MAN2A1: variants seen among roughly 807,000 people sequenced by gnomAD.
The protein encoded by MAN2A1 is mannosidase alpha class 2A member 1.
MAN2A1 carries 76 observed loss-of-function variants against 142.6 expected under a neutral mutation model. That is an observed-to-expected ratio of 0.53 (90% CI 0.44 to 0.65). The LOEUF is 0.65. MAN2A1 is among the 30% of genes least tolerant of loss of function. MAN2A1 has a pLI of 0.00. For synonymous variants in MAN2A1, 559 were observed against 473.2 expected (o/e 1.18, Z -2.35); for missense variants, 1,311 against 1,365.1 (o/e 0.96, Z 0.62).
At chr5:109,730,746 T>C (rs1208556262) in intron 4 of MAN2A1, among the ~76,000 whole-genome samples, 1 of 152,160 alleles carries the variant, frequency 6.6e-6, no homozygotes, top group Non-Finnish European at 1.5e-5. Context: ...TTCTGTGAAA[T>C]AGGTACAATT....
In MAN2A1 at chr5:109,814,816, G is replaced by A. The variant is rs142544865; in HGVS notation, c.1944-2457G>A. 8.8e-3 allele frequency among the ~76,000 whole-genome samples: 1,341 copies of A among 152,186 alleles called. 7 individuals carry two copies. The highest frequency in any genetic ancestry group is 0.017 in the Middle Eastern group (5 of 292). ...TTTCATAGAAGGAATTAGTGTTCTG[G>A]ATGCTTATTATCTAATTTATTGCTT... On this transcript the variant is annotated intron_variant, in intron 12 of 21. Transcript: ENST00000261483.
chr5:109,758,570 G>T (rs746646971), intron 5 of MAN2A1, among the ~76,000 whole-genome samples: 1 of 151,084 alleles, frequency 6.6e-6, no homozygotes, highest in Non-Finnish European at 1.5e-5. Context: ...GTAAGAAACT[G>T]TTGTTTAATC....
chr5:109,770,637 A>G, intron 7 of MAN2A1, 96 bp downstream of exon 7: 2 of 1,075,986 alleles, frequency 1.9e-6, no homozygotes, highest in Non-Finnish European at 1.4e-6. Context: ...TTTATTAGCC[A>G]ACATTATCCT....
At chr5:109,733,435 T>G (rs1582836658) in intron 4 of MAN2A1, among the ~76,000 whole-genome samples, 1 of 152,332 alleles carries the variant, frequency 6.6e-6, no homozygotes, top group East Asian at 1.9e-4. Flanking sequence ...ATCCCTGTCT[T>G]GTGCCCATTT....
chr5:109,840,180 T>A, intron 16 of MAN2A1: 1 of 205,412 alleles, frequency 4.9e-6, no homozygotes, highest in Non-Finnish European at 9.8e-6. Flanking sequence ...CTCATAAATC[T>A]TGTGGCTTCC....
At position 109,731,141 on chromosome 5, in the gene MAN2A1, G is replaced by A. The variant is rs1225741114; in HGVS notation, c.707+1628G>A. Among the ~76,000 whole-genome samples, 2 of 151,808 alleles carry A rather than the reference G, an allele frequency of 1.3e-5. 1 individual carries two copies. Among genetic ancestry groups the A allele is most frequent in the African/African-American group, 4.8e-5 (2 of 41,334 alleles). Reference sequence around the variant, plus strand: ...GGGTACATCTGGTATTTTAATATAAGCATATAATATATAATCAGATCAGGG... The same window carrying A: ...GGGTACATCTGGTATTTTAATATAAACATATAATATATAATCAGATCAGGG... On this transcript the variant is annotated intron_variant, in intron 4 of 21. Coordinates refer to ENST00000261483, the MANE Select transcript of MAN2A1 (RefSeq NM_002372.4).
At chr5:109,707,463 T>C (rs900256973) in intron 1 of MAN2A1, among the ~76,000 whole-genome samples, 18 of 152,126 alleles carry the variant, frequency 1.2e-4, no homozygotes, top group Admixed American at 1.2e-3. Context: ...TACAGTACAT[T>C]GAGTAAAACA....
chr5:109,701,485 C>T (rs1224866253), intron 1 of MAN2A1, among the ~76,000 whole-genome samples: 2 of 152,092 alleles, frequency 1.3e-5, no homozygotes, highest in Non-Finnish European at 2.9e-5. Context: ...TAGTGAATCA[C>T]TCCAAGTTAT....
At chr5:109,817,109 T>G (rs1446665038) in intron 12 of MAN2A1, among the ~76,000 whole-genome samples, 164 bp from the exon 13 acceptor site, 1 of 152,136 alleles carries the variant, frequency 6.6e-6, no homozygotes, top group Non-Finnish European at 1.5e-5. Flanking sequence ...GAGACTGCAG[T>G]GAGCTATAAT....
chr5:109,814,278 T>A (rs1580279298), intron 12 of MAN2A1, among the ~76,000 whole-genome samples: 1 of 152,198 alleles, frequency 6.6e-6, no homozygotes, highest in Admixed American at 6.5e-5. Context: ...TGAAACCTAT[T>A]GGTTTCATTC....
chr5:109,751,566 GT>G (rs925178204), intron 4 of MAN2A1, among the ~76,000 whole-genome samples: 53 of 144,730 alleles, frequency 3.7e-4, no homozygotes, highest in Middle Eastern at 3.5e-3. Context: ...TCTATTTTTA[GT>G]TTTTTTTTTT....
At chr5:109,744,931 A>G (rs1330334675) in intron 4 of MAN2A1, among the ~76,000 whole-genome samples, 1 of 152,216 alleles carries the variant, frequency 6.6e-6, no homozygotes, top group Non-Finnish European at 1.5e-5. Context: ...CAGTAAAAAA[A>G]TGATAAATTA....
chr5:109,862,501 C>G (rs1226036706), intron 20 of MAN2A1: 2 of 152,166 alleles, frequency 1.3e-5, no homozygotes, highest in African/African-American at 2.4e-5. Flanking sequence ...GGCACAATTT[C>G]AAAAATTGTA....
intron 12 of MAN2A1, among the ~76,000 whole-genome samples, chr5:109,795,548 A>G (rs1449043289): frequency 6.6e-6 from 1 of 152,176 alleles, no homozygotes; most frequent in Non-Finnish European, 1.5e-5. Context: ...GTGTATTATC[A>G]CAATCTAAGA....
At chr5:109,781,647 C>A in intron 9 of MAN2A1, 49 bp downstream of exon 9, 1 of 1,294,140 alleles carries the variant, frequency 7.7e-7, no homozygotes, top group Non-Finnish European at 1.1e-6. Context: ...TTTATATTAT[C>A]ATAATCTTTT....
At chr5:109,862,942 G>T (rs934143415) in intron 20 of MAN2A1, 1 of 151,914 alleles carries the variant, frequency 6.6e-6, no homozygotes, top group Admixed American at 6.6e-5. Flanking sequence ...TTGTATTGTC[G>T]GTTTAAATCT....
At chr5:109,707,958 TG>T (rs1221811683) in intron 1 of MAN2A1, among the ~76,000 whole-genome samples, 1 of 152,174 alleles carries the variant, frequency 6.6e-6, no homozygotes, top group African/African-American at 2.4e-5. Flanking sequence ...TATATGGGTC[TG>T]TTTTTCAGGG....
At chr5:109,814,791 T>C (rs1468247136) in intron 12 of MAN2A1, among the ~76,000 whole-genome samples, 1 of 152,198 alleles carries the variant, frequency 6.6e-6, no homozygotes, top group African/African-American at 2.4e-5. Flanking sequence ...AGTACTTTTT[T>C]TTCATAGAAG....
At chr5:109,717,285 A>T (rs1191354038) in intron 3 of MAN2A1, among the ~76,000 whole-genome samples, 2 of 152,098 alleles carry the variant, frequency 1.3e-5, no homozygotes, top group Non-Finnish European at 2.9e-5. Flanking sequence ...TTCTATTTTG[A>T]AGACAACAAA....
Sources: gnomAD v4.1 joint callset for allele counts (sites outside exome capture counted in the v4.1 genomes callset) on GRCh38, gnomAD v4.1.1 for gene constraint, MANE v1.5 for transcripts, NCBI Gene and HGNC (gene_info 2026-07-23, HGNC 2026-07-21) for gene names.